BRPF1: variants seen among roughly 807,000 people sequenced by gnomAD.
BRPF1 encodes bromodomain and PHD finger containing 1.
Under a neutral mutation model 115.0 loss-of-function variants are expected in BRPF1, and 15 were observed. The ratio of observed to expected loss-of-function variants is 0.13; its 90% confidence interval spans 0.09 to 0.20. The LOEUF is 0.20. Among genes scored for constraint, BRPF1 ranks in the 10% least tolerant of loss-of-function variants. The pLI is 1.00. For synonymous variants in BRPF1, 647 were observed against 619.8 expected (o/e 1.04, Z -0.65); for missense variants, 1,118 against 1,638.3 (o/e 0.68, Z 5.48).
In BRPF1 at chr3:9,746,296, T is replaced by A; in HGVS notation, c.3325-4T>A. ...ACCAAACTGGGCTCTTATTATATCC[T>A]CAGATCATTGATCCAAAGATGCCCC... is the stretch of plus-strand genomic sequence containing the variant. On this transcript the variant is annotated splice_region_variant and splice_polypyrimidine_tract_variant and intron_variant, in intron 12 of 13. Coordinates refer to ENST00000383829, the MANE Select transcript of BRPF1 (RefSeq NM_001003694.2). 1.9e-6 allele frequency: 3 copies of A among 1,553,472 alleles called. No homozygotes were observed. The highest frequency in any genetic ancestry group is 2.6e-6 in the Non-Finnish European group (3 of 1,144,888).
At chr3:9,733,639 G>T in intron 1 of BRPF1, among the ~76,000 whole-genome samples, 1 of 152,168 alleles carries the variant, frequency 6.6e-6, no homozygotes, top group Non-Finnish European at 1.5e-5. Flanking sequence ...AGTATGGAGG[G>T]CATTCCAAAT....
At chr3:9,744,574 C>A in intron 9 of BRPF1, 66 bp downstream of exon 9, 1 of 1,210,144 alleles carries the variant, frequency 8.3e-7, no homozygotes, top group Non-Finnish European at 1.1e-6. Flanking sequence ...CCAGCATACT[C>A]CCAGTTACCC....
chr3:9,745,124 A>G lies in BRPF1; in HGVS notation c.3037A>G (p.Ser1013Gly). ...CTCAGACTCTGAGTCCAGCAGCAGTAGCAGTAGCAGCGCTGCTTCAGACCG... is the reference window on the plus strand; with the variant it reads ...CTCAGACTCTGAGTCCAGCAGCAGTGGCAGTAGCAGCGCTGCTTCAGACCG... ...SSSDSESSSS[S>G]SSSAASDRTS... Residue 1013 changes from serine (S) to glycine (G), a missense_variant, in exon 10 of 14, where the codon AGC (serine) becomes GGC (glycine). Transcript: ENST00000383829. The surrounding 1 kb of genome is among the most constrained non-coding windows in gnomAD (Gnocchi z 5.1). The G allele has an allele frequency of 6.2e-7, 1 of 1,614,226 alleles. No homozygotes were observed. The highest frequency in any genetic ancestry group is 8.5e-7 in the Non-Finnish European group (1 of 1,180,038).
At chr3:9,741,207 TC>T in intron 4 of BRPF1, 100 bp from the exon 5 acceptor site, 1 of 1,395,914 alleles carries the variant, frequency 7.2e-7, no homozygotes, top group Non-Finnish European at 9.7e-7. Context: ...ATTACTGTGC[TC>T]CCTCTTTTGG....
At position 9,740,759 on chromosome 3, in the gene BRPF1, C is replaced by G; in HGVS notation, c.1560-20C>G. 6.2e-7 allele frequency: 1 copy of G among 1,612,160 alleles called. No homozygotes were observed. The highest frequency in any genetic ancestry group is 8.5e-7 in the Non-Finnish European group (1 of 1,178,294). On this transcript the variant is annotated intron_variant, in intron 3 of 13. Transcript: ENST00000383829. The stretch of plus-strand genomic sequence containing the variant: ...GAATCAGGGCCCAACAAGTTTTACT[C>G]TTTGTTTCCTGCCTCCCAGGCTTAG...
At chr3:9,740,991 GA>G in intron 4 of BRPF1, 50 bp downstream of exon 4, 2 of 1,561,836 alleles carry the variant, frequency 1.3e-6, no homozygotes, top group Admixed American at 3.6e-5. Flanking sequence ...CCAGGGGGAC[GA>G]AAACCAAAAT....
At chr3:9,742,487 A>G in intron 6 of BRPF1, 8 of 985,446 alleles carry the variant, frequency 8.1e-6, no homozygotes, top group Non-Finnish European at 8.4e-6. Flanking sequence ...CTCAGCACCT[A>G]AAGAACCAGC....
chr3:9,737,154 G>A (rs1239599834), intron 2 of BRPF1, among the ~76,000 whole-genome samples: 5 of 152,182 alleles, frequency 3.3e-5, no homozygotes, highest in Non-Finnish European at 7.3e-5. Context: ...GGAAGAAGCT[G>A]CTTCCTACAA....
chr3:9,740,049 G>A (rs2077003810), intron 3 of BRPF1, 91 bp downstream of exon 3: 1 of 1,446,972 alleles, frequency 6.9e-7, no homozygotes, highest in Non-Finnish European at 9.1e-7. Flanking sequence ...GGCAGGGCTG[G>A]GCTATCTTCC....
rs746554710 is a variant in BRPF1 at position 9,739,972 on chromosome 3, C to T, written c.1559+14C>T. Reference sequence around the variant, plus strand: ...CCCACCACACAGGTATGTGGGGAGCCGGTGGACAGGCAGATGAGGGAGAAA... The same window carrying T: ...CCCACCACACAGGTATGTGGGGAGCTGGTGGACAGGCAGATGAGGGAGAAA... On this transcript the variant is annotated intron_variant, in intron 3 of 13. Transcript: ENST00000383829. 19 of 1,549,178 alleles carry T rather than the reference C, an allele frequency of 1.2e-5. No homozygotes were observed. Among genetic ancestry groups the T allele is most frequent in the South Asian group, 6.0e-5 (5 of 83,378 alleles).
Position 9,744,402 on chromosome 3 carries a change from G to A in BRPF1, c.2814G>A (p.Gln938=). 5 of 1,610,370 alleles carry A rather than the reference G, an allele frequency of 3.1e-6. No homozygotes were observed. Among genetic ancestry groups the A allele is most frequent in the Non-Finnish European group, 4.2e-6 (5 of 1,178,406 alleles). ...SHGGSPVGPP[Q]LPIMSSLRQR... ...GAGGCAGTCCTGTGGGGCCCCCCCAGCTCCCCATCATGAGTTCCCTGCGTC... is the reference window on the plus strand; with the variant it reads ...GAGGCAGTCCTGTGGGGCCCCCCCAACTCCCCATCATGAGTTCCCTGCGTC... Residue 938 remains glutamine, a synonymous_variant, in exon 9 of 14, where the codon CAG becomes CAA. Transcript: ENST00000383829.
Position 9,739,161 on chromosome 3 carries a change from G to A in BRPF1, c.762G>A (p.Lys254=), listed in dbSNP as rs774404419. 15 of 1,614,044 alleles carry A rather than the reference G, an allele frequency of 9.3e-6. No homozygotes were observed. The Admixed American group carries it at 2.3e-4, about 25-fold the overall frequency. Residue 254 remains lysine (K), a synonymous_variant, in exon 3 of 14, where the codon AAG becomes AAA. Transcript: ENST00000383829. ...AGTACCTAATGGACCGACTGGAGAA[G>A]GAGTCGTACTTTGAGAGTCATAATA... ...IFEYLMDRLE[K]ESYFESHNKG... is the part of the protein sequence containing the mutation.
intron 12 of BRPF1, 94 bp downstream of exon 12, chr3:9,746,024 C>A: frequency 1.4e-6 from 2 of 1,398,596 alleles, no homozygotes; most frequent in Non-Finnish European, 2.0e-6. Flanking sequence ...AGCTGTGGGG[C>A]ACAGAGTTTC....
At position 9,745,487 on chromosome 3, in the gene BRPF1, G is replaced by A; in HGVS notation, c.3069-86G>A. On this transcript the variant is annotated intron_variant, in intron 10 of 13. Transcript: ENST00000383829. This position sits in a 1 kb window ranked among gnomAD's most constrained non-coding sequence, Gnocchi z 5.1. ...CTGCTTTCCAAAAGTCTCAGACCCT[G>A]CGGGCTTTAAGAGCTGAGGGCACAT... The A allele has an allele frequency of 6.8e-7, 1 of 1,467,882 alleles. No individual in the cohort carries two copies. Among genetic ancestry groups the A allele is most frequent in the Non-Finnish European group, 9.5e-7 (1 of 1,057,504 alleles). The allele number at this position is 1,467,882 out of a possible 1,614,324, so 90.9% of individuals were successfully genotyped here.
In BRPF1 at chr3:9,740,762, T is replaced by C. The variant is rs913007507; in HGVS notation, c.1560-17T>C. On this transcript the variant is annotated splice_polypyrimidine_tract_variant and intron_variant, in intron 3 of 13. Transcript: ENST00000383829. ...TCAGGGCCCAACAAGTTTTACTCTT[T>C]GTTTCCTGCCTCCCAGGCTTAGTAA... 2.3e-5 allele frequency: 37 copies of C among 1,612,244 alleles called. No homozygotes were observed. Among genetic ancestry groups the C allele is most frequent in the Middle Eastern group, 1.6e-4 (1 of 6,080 alleles).
At chr3:9,733,466 C>G (rs1027493581) in intron 1 of BRPF1, 2 of 152,274 alleles carry the variant, frequency 1.3e-5, no homozygotes, top group Admixed American at 1.3e-4. Flanking sequence ...CTACACAGCT[C>G]CCAGTCCAGG....
chr3:9,733,286 C>T (rs2076886248), intron 1 of BRPF1: 1 of 152,236 alleles, frequency 6.6e-6, no homozygotes, highest in Non-Finnish European at 1.5e-5. Flanking sequence ...GCATTAGCCA[C>T]CCACCCATTC....
intron 4 of BRPF1, 42 bp downstream of exon 4, chr3:9,740,983 A>C: frequency 6.3e-7 from 1 of 1,575,904 alleles, no homozygotes; most frequent in Non-Finnish European, 8.6e-7. Flanking sequence ...AACTAGCGCC[A>C]GGGGGACGAA....
chr3:9,738,909 C>A, intron 2 of BRPF1, 90 bp from the exon 3 acceptor site: 1 of 1,257,162 alleles, frequency 8.0e-7, no homozygotes, highest in Non-Finnish European at 1.1e-6. Context: ...GGCATAGGCA[C>A]AGAGTAAGTG....
Sources: allele counts gnomAD v4.1 joint callset (sites outside exome capture counted in the v4.1 genomes callset), GRCh38; gene constraint gnomAD v4.1.1; non-coding constraint Gnocchi (gnomAD v3.1); transcripts MANE v1.5; gene names NCBI Gene and HGNC (gene_info 2026-07-23, HGNC 2026-07-21).